TRAK2: variants seen among roughly 807,000 people sequenced by gnomAD.
TRAK2 encodes trafficking kinesin-binding protein 2.
A neutral mutation model predicts 104.6 loss-of-function variants in TRAK2; 81 were observed. The ratio of observed to expected loss-of-function variants is 0.77; its 90% CI spans 0.65 to 0.93. The LOEUF is 0.93. Among genes scored for constraint, TRAK2 ranks in the 40% least tolerant of loss-of-function variants. The pLI is 0.00. For missense variants in TRAK2, 1,002 were observed against 1,089.0 expected (o/e 0.92, Z 1.12); for synonymous variants, 406 against 394.4 (o/e 1.03, Z -0.35).
rs1023836952 is a variant in TRAK2, at chr2:201,447,221, T to C, written c.-200+4129A>G. The stretch of plus-strand genomic sequence containing the variant: ...AAAGTTTAAGCCCCTTGGCATCTCA[T>C]GTAAAATCTTCCTAATCCAGCCCCA... On this transcript the variant is annotated intron_variant, in intron 1 of 15. Coordinates refer to ENST00000332624, the MANE Select transcript of TRAK2 (RefSeq NM_015049.3). This position sits in a 1 kb window ranked among gnomAD's most constrained non-coding sequence, Gnocchi z 4.1. Among the ~76,000 whole-genome samples the C allele has an allele frequency of 3.9e-5, 6 of 152,248 alleles. No individual in the cohort carries two copies. The highest frequency in any genetic ancestry group is 8.8e-5 in the Non-Finnish European group (6 of 68,040).
In TRAK2 at chr2:201,386,318, C is replaced by G; in HGVS notation, c.1863G>C (p.Gln621His). Residue 621 changes from glutamine to histidine, a missense_variant, in exon 14 of 16, where the codon CAG (glutamine) becomes CAC (histidine). Physicochemically the swap from Gln to His is conservative, Grantham distance 24 (BLOSUM62 0). Transcript: ENST00000332624. ...CTTCCACTTCAAGAGGTTGCTGAAC[C>G]TGAAAAGTAATACCCTCCTCTTCAT... is the stretch of plus-strand genomic sequence containing the variant. ...EEDEEEGITFQVQQPLEVEEK... is the reference protein window; with the variant it reads ...EEDEEEGITFHVQQPLEVEEK... 1 of 1,614,130 alleles carries G rather than the reference C, an allele frequency of 6.2e-7. No individual in the cohort carries two copies. The highest frequency in any genetic ancestry group is 8.5e-7 in the Non-Finnish European group (1 of 1,180,018).
At chr2:201,429,152 C>G (rs148303627) in intron 1 of TRAK2, among the ~76,000 whole-genome samples, 1 of 152,204 alleles carries the variant, frequency 6.6e-6, no homozygotes, top group African/African-American at 2.4e-5. Flanking sequence ...AATTGAATAC[C>G]CTCTATTTCT....
At chr2:201,439,730 T>C (rs1285206289) in intron 1 of TRAK2, among the ~76,000 whole-genome samples, 2 of 150,788 alleles carry the variant, frequency 1.3e-5, no homozygotes, top group Non-Finnish European at 3.0e-5. Context: ...GTGGCACATA[T>C]ACACCATGGA....
intron 2 of TRAK2, among the ~76,000 whole-genome samples, chr2:201,418,031 A>G (rs563293471): frequency 2.0e-5 from 3 of 152,358 alleles, no homozygotes; most frequent in African/African-American, 7.2e-5. Flanking sequence ...AAATACTGGT[A>G]AGAGAAATTA....
Position 201,380,469 on chromosome 2 carries a change from C to A in TRAK2, c.*74G>T. 1.4e-6 allele frequency: 2 copies of A among 1,434,602 alleles called. No individual in the cohort carries two copies. The highest frequency in any genetic ancestry group is 1.9e-6 in the Non-Finnish European group (2 of 1,044,918). The allele number at this position is 1,434,602 out of a possible 1,614,324, so 88.9% of individuals were successfully genotyped here. On this transcript the variant is annotated 3_prime_UTR_variant, in exon 16 of 16. Coordinates refer to ENST00000332624, the MANE Select transcript of TRAK2 (RefSeq NM_015049.3). ...AACATTCCTTTTCTCTCAAGTCAGA[C>A]CAGACCACATGTTTCAGTGCATATC... is the stretch of plus-strand genomic sequence containing the variant.
intron 1 of TRAK2, among the ~76,000 whole-genome samples, chr2:201,428,659 T>C (rs1190708106): frequency 2.0e-5 from 3 of 152,242 alleles, no homozygotes; most frequent in Non-Finnish European, 2.9e-5. Flanking sequence ...CAGGCTCTTT[T>C]TGGTTACATA....
At chr2:201,411,274 C>T (rs1055980919) in intron 2 of TRAK2, 2 of 742,390 alleles carry the variant, frequency 2.7e-6, no homozygotes, top group Non-Finnish European at 2.5e-6. Flanking sequence ...TGTTCTCTTG[C>T]TAATTTTTGT....
intron 6 of TRAK2, 78 bp from the exon 7 acceptor site, chr2:201,397,658 T>A (rs909403559): frequency 3.3e-5 from 34 of 1,040,486 alleles, no homozygotes; most frequent in South Asian, 1.9e-4. Flanking sequence ...TTAATTCTCA[T>A]TTGAAGACTA....
At chr2:201,448,739 C>T (rs1055484371) in intron 1 of TRAK2, among the ~76,000 whole-genome samples, 2 of 152,090 alleles carry the variant, frequency 1.3e-5, no homozygotes, top group African/African-American at 2.4e-5. Flanking sequence ...CTTCTCTGCT[C>T]GTATTTTAAT....
intron 1 of TRAK2, among the ~76,000 whole-genome samples, chr2:201,427,927 A>AAAAT (rs1468314174): frequency 6.6e-6 from 1 of 152,140 alleles, no homozygotes; most frequent in Non-Finnish European, 1.5e-5. Context: ...GTGATGATGA[A>AAAAT]CATTTTTTCA....
intron 1 of TRAK2, among the ~76,000 whole-genome samples, chr2:201,436,929 TTATTCTAG>T (rs1951883509): frequency 6.6e-6 from 1 of 152,182 alleles, no homozygotes; most frequent in African/African-American, 2.4e-5. Context: ...AATTCTAGAT[TTATTCTAG>T]AATTATCTGC....
chr2:201,401,180 C>G, intron 3 of TRAK2, 86 bp from the exon 4 acceptor site: 1 of 793,230 alleles, frequency 1.3e-6, no homozygotes, highest in Non-Finnish European at 1.9e-6. Context: ...ATAACAACAA[C>G]AAAAACCCCA....
rs1951520736 is a variant in TRAK2, at chr2:201,398,331, T to C, written c.504A>G (p.Leu168=). The C allele has an allele frequency of 6.2e-7, 1 of 1,613,548 alleles. No homozygotes were observed. ...FDQVNQLQHE[L]CKKDELLRIV... is the part of the protein sequence containing the mutation. ...TTCGAAGTAACTCATCTTTCTTGCA[T>C]AGCTCATGCTGCAGCTGATTAACCT... Residue 168 remains leucine (L), a synonymous_variant, in exon 6 of 16, where the codon CTA becomes CTG. Transcript: ENST00000332624.
chr2:201,408,313 A>G (rs1302100304), intron 2 of TRAK2, among the ~76,000 whole-genome samples: 2 of 150,780 alleles, frequency 1.3e-5, no homozygotes, highest in Non-Finnish European at 3.0e-5. Context: ...TTAATTTTTA[A>G]TTTTTTAATT....
At chr2:201,435,201 C>A (rs1025566952) in intron 1 of TRAK2, among the ~76,000 whole-genome samples, 5 of 152,190 alleles carry the variant, frequency 3.3e-5, no homozygotes, top group African/African-American at 1.2e-4. Context: ...GGACTACAGG[C>A]ACCTGCCACC....
At chr2:201,414,114 A>C (rs1156508584) in intron 2 of TRAK2, among the ~76,000 whole-genome samples, 1 of 152,136 alleles carries the variant, frequency 6.6e-6, no homozygotes, top group Non-Finnish European at 1.5e-5. Flanking sequence ...GATCACAGGT[A>C]CTCACTGAAT....
chr2:201,440,686 C>G (rs1951913928), intron 1 of TRAK2, among the ~76,000 whole-genome samples: 1 of 152,190 alleles, frequency 6.6e-6, no homozygotes, highest in Non-Finnish European at 1.5e-5. Context: ...TTTAGGAAAT[C>G]TTAACATCCC....
intron 9 of TRAK2, among the ~76,000 whole-genome samples, chr2:201,394,116 T>C (rs1046989632): frequency 1.3e-5 from 2 of 152,110 alleles, no homozygotes; most frequent in Non-Finnish European, 2.9e-5. Context: ...TTTATGTAGA[T>C]AGAAAGTAAG....
At chr2:201,402,798 A>G (rs1220313325) in intron 3 of TRAK2, among the ~76,000 whole-genome samples, 1 of 152,222 alleles carries the variant, frequency 6.6e-6, no homozygotes, top group Non-Finnish European at 1.5e-5. Flanking sequence ...AATGTAATAT[A>G]GAGCAATGGC....
Sources: allele counts gnomAD v4.1 joint callset (sites outside exome capture counted in the v4.1 genomes callset), GRCh38; gene constraint gnomAD v4.1.1; non-coding constraint Gnocchi (gnomAD v3.1); transcripts MANE v1.5; gene names NCBI Gene and HGNC (gene_info 2026-07-23, HGNC 2026-07-21).